DAB2IP: variants seen among roughly 807,000 people sequenced by gnomAD.
DAB2IP encodes DAB2 interacting protein.
A neutral mutation model predicts 107.2 loss-of-function variants in DAB2IP; 28 were observed. The observed-to-expected ratio is 0.26, with a 90% CI of 0.19 to 0.36. DAB2IP has a LOEUF of 0.36. Ranked by LOEUF, DAB2IP falls within the 10% of genes least tolerant of loss-of-function variation. The pLI is 1.00. For synonymous variants in DAB2IP, 755 were observed against 706.4 expected, an observed-to-expected ratio of 1.07 and a Z score of -1.09; for missense variants, 1,400 against 1,644.7, an observed-to-expected ratio of 0.85 and a Z score of 2.57.
At chr9:121,705,444 G>A (rs959186875) in intron 3 of DAB2IP, among the ~76,000 whole-genome samples, 64 of 152,232 alleles carry the variant, frequency 4.2e-4, no homozygotes, top group Non-Finnish European at 7.9e-4. Flanking sequence ...ACAGGCAATT[G>A]CATATGATTC....
chr9:121,661,428 C>G (rs1209312387), intron 1 of DAB2IP, among the ~76,000 whole-genome samples: 1 of 152,128 alleles, frequency 6.6e-6, no homozygotes, highest in African/African-American at 2.4e-5. Context: ...GTAAGTGTCT[C>G]TCCCCATCAG....
intron 1 of DAB2IP, among the ~76,000 whole-genome samples, chr9:121,577,301 G>C (rs574262608): frequency 1.2e-3 from 176 of 152,306 alleles, no homozygotes; most frequent in African/African-American, 4.1e-3. Flanking sequence ...CGGGTGGAGT[G>C]GGGGTGGATT....
At chr9:121,739,513 G>A (rs1832167718) in intron 3 of DAB2IP, among the ~76,000 whole-genome samples, 1 of 152,226 alleles carries the variant, frequency 6.6e-6, no homozygotes, top group Non-Finnish European at 1.5e-5. Context: ...CCCAGTGGTT[G>A]GGGAGGCTGC....
At chr9:121,596,051 T>C (rs912981124) in intron 1 of DAB2IP, among the ~76,000 whole-genome samples, 1 of 152,092 alleles carries the variant, frequency 6.6e-6, no homozygotes, top group African/African-American at 2.4e-5. Context: ...CCAGGCGCGG[T>C]GGCTCATGCC....
intron 13 of DAB2IP, 79 bp downstream of exon 13, chr9:121,774,491 C>A (rs989587579): frequency 6.9e-7 from 1 of 1,448,480 alleles, no homozygotes; most frequent in South Asian, 1.4e-5. Context: ...TCCCCCAGGT[C>A]CCCCAGCAAC....
At chr9:121,640,914 C>T (rs1317782783) in intron 1 of DAB2IP, among the ~76,000 whole-genome samples, 2 of 152,184 alleles carry the variant, frequency 1.3e-5, no homozygotes, top group South Asian at 2.1e-4. Flanking sequence ...AGTGAGCTCC[C>T]TGTCACCAAA....
At chr9:121,726,711 C>T (rs1327061518) in intron 3 of DAB2IP, among the ~76,000 whole-genome samples, 3 of 152,180 alleles carry the variant, frequency 2.0e-5, no homozygotes, top group Admixed American at 1.3e-4. Flanking sequence ...GCCCCCACCA[C>T]ATCTGGTGTT....
chr9:121,759,000 A>G lies in DAB2IP; in HGVS notation c.615+4A>G. 6.2e-7 allele frequency: 1 copy of G among 1,609,726 alleles called. No individual in the cohort carries two copies. Among genetic ancestry groups the G allele is most frequent in the Non-Finnish European group, 8.5e-7 (1 of 1,178,460 alleles). ...GCGAGCGGTGCATCCCAACAAGGTAAGCCTGCGCCCCTCTCACCAAAGCAT... is the reference window on the plus strand; with the variant it reads ...GCGAGCGGTGCATCCCAACAAGGTAGGCCTGCGCCCCTCTCACCAAAGCAT... On this transcript the variant is annotated splice_donor_region_variant and intron_variant, in intron 5 of 15. Transcript: ENST00000408936.
Position 121,760,020 on chromosome 9 carries a change from A to G in DAB2IP, c.751A>G (p.Thr251Ala). 1.2e-6 allele frequency: 2 copies of G among 1,614,014 alleles called. No homozygotes were observed. Among genetic ancestry groups the G allele is most frequent in the Non-Finnish European group, 1.7e-6 (2 of 1,180,008 alleles). The change falls in exon 6 of 16, where the codon ACG becomes GCG. Residue 251 changes from threonine to alanine, a missense_variant. Physicochemically the swap from Thr to Ala is moderately conservative, Grantham distance 58 (BLOSUM62 0). This residue lies in a region of DAB2IP where 517 missense variants were observed against 748.6 expected (regional missense o/e 0.69). Transcript: ENST00000408936. This position sits in a 1 kb window ranked among gnomAD's most constrained non-coding sequence, Gnocchi z 5.9. ...TGCCCGCACCACGGGCAAGCTCAAG[A>G]CGGACAATGTTTTCTGGGGCGAGCA...
intron 1 of DAB2IP, among the ~76,000 whole-genome samples, chr9:121,613,193 G>C (rs1464563009): frequency 6.6e-6 from 1 of 152,208 alleles, no homozygotes; most frequent in Non-Finnish European, 1.5e-5. Context: ...GAGGTAATGT[G>C]TGTAAAGTGC....
chr9:121,750,435 G>GC (rs1833033974), intron 3 of DAB2IP, among the ~76,000 whole-genome samples: 1 of 152,088 alleles, frequency 6.6e-6, no homozygotes, highest in African/African-American at 2.4e-5. Context: ...TCTTAAAGGG[G>GC]CCCCCCGGCT....
At chr9:121,647,880 C>T (rs545579588), upstream of DAB2IP, among the ~76,000 whole-genome samples, 5 of 148,572 alleles carry the variant, frequency 3.4e-5, no homozygotes, top group South Asian at 2.1e-4. Context: ...TATATATATA[C>T]GGGTATATAT....
intron 2 of DAB2IP, among the ~76,000 whole-genome samples, chr9:121,689,565 G>T (rs1056770625): frequency 6.8e-6 from 1 of 146,006 alleles, no homozygotes. Context: ...CTGGGGTCCT[G>T]TTTTTTCCTT....
intron 1 of DAB2IP, among the ~76,000 whole-genome samples, chr9:121,603,575 C>A (rs1589394790): frequency 6.6e-6 from 1 of 152,134 alleles, no homozygotes; most frequent in African/African-American, 2.4e-5. Context: ...GGCACTCTGG[C>A]CTTTTTTGCA....
At chr9:121,711,867 T>A (rs1830350421) in intron 3 of DAB2IP, among the ~76,000 whole-genome samples, 1 of 152,138 alleles carries the variant, frequency 6.6e-6, no homozygotes, top group African/African-American at 2.4e-5. Context: ...ATTCCCCTTT[T>A]TGCAGGCTGG....
At position 121,760,869 on chromosome 9, in the gene DAB2IP, C is replaced by T. The variant is rs1402939776; in HGVS notation, c.1170+430C>T. Among the ~76,000 whole-genome samples, 1 of 152,242 alleles carries T rather than the reference C, an allele frequency of 6.6e-6. No homozygotes were observed. Among genetic ancestry groups the T allele is most frequent in the Non-Finnish European group, 1.5e-5 (1 of 68,042 alleles). ...TTCGGCAGACCTCCCCAGCACGATGCACAGATGAGCCTCCCTCACAGCTCT... is the reference window on the plus strand; with the variant it reads ...TTCGGCAGACCTCCCCAGCACGATGTACAGATGAGCCTCCCTCACAGCTCT... On this transcript the variant is annotated intron_variant, in intron 6 of 15. Transcript: ENST00000408936. This position sits in a 1 kb window ranked among gnomAD's most constrained non-coding sequence, Gnocchi z 5.9.
In DAB2IP at chr9:121,578,863, C is replaced by G. The variant is rs141290922; in HGVS notation, c.40+11635C>G. Among the ~76,000 whole-genome samples the G allele has an allele frequency of 5.2e-3, 775 of 150,396 alleles. 7 individuals carry two copies. The highest frequency in any genetic ancestry group is 0.018 in the African/African-American group (731 of 41,054). ...TCAAGCTATTCTCCTGCCTCAGCCT[C>G]CCGAGTAGCTGGGATTCCCAGCCCA... On this transcript the variant is annotated intron_variant, in intron 1 of 16. Transcript: ENST00000259371.
chr9:121,699,727 C>T lies in DAB2IP; in HGVS notation c.362+269C>T, dbSNP rs539212708. On this transcript the variant is annotated intron_variant, in intron 3 of 15. Transcript: ENST00000408936. The surrounding 1 kb of genome is among the most constrained non-coding windows in gnomAD (Gnocchi z 6.2). ...CCGGGCGAGGCCGGGCGCGAAGTCC[C>T]CTCGCAGGGAAGTCCTGCCTCGCCT... is the stretch of plus-strand genomic sequence containing the variant. Among the ~76,000 whole-genome samples, 56 of 152,234 alleles carry T rather than the reference C, an allele frequency of 3.7e-4. 1 individual carries two copies. The highest frequency in any genetic ancestry group is 2.0e-3 in the Admixed American group (30 of 15,304).
At chr9:121,616,093 C>T (rs1446447607) in intron 1 of DAB2IP, among the ~76,000 whole-genome samples, 1 of 152,146 alleles carries the variant, frequency 6.6e-6, no homozygotes, top group East Asian at 1.9e-4. Flanking sequence ...GAGAACCCAG[C>T]CCTGTCCCTG....
Sources: allele counts gnomAD v4.1 joint callset (sites outside exome capture counted in the v4.1 genomes callset), GRCh38; gene constraint gnomAD v4.1.1; regional missense constraint gnomAD v4.1.1; non-coding constraint Gnocchi (gnomAD v3.1); transcripts MANE v1.5; gene names NCBI Gene and HGNC (gene_info 2026-07-23, HGNC 2026-07-21).